The following NCKAP5 variants were observed in gnomAD, a reference collection of about 807,000 sequenced individuals.
The protein encoded by NCKAP5 is nck-associated protein 5.
Under a neutral mutation model 167.0 loss-of-function variants are expected in NCKAP5, and 92 were observed. The observed-to-expected ratio is 0.55, with a 90% CI of 0.47 to 0.66. NCKAP5 has a LOEUF of 0.66. Ranked by LOEUF, NCKAP5 falls within the 30% of genes least tolerant of loss-of-function variation. NCKAP5 has a pLI of 0.00. For missense variants in NCKAP5, 2,378 were observed against 2,315.0 expected (o/e 1.03, Z -0.56); for synonymous variants, 891 against 877.4 (o/e 1.02, Z -0.27).
chr2:132,758,526 G>C (rs1680741258), intron 16 of NCKAP5, among the ~76,000 whole-genome samples: 1 of 152,128 alleles, frequency 6.6e-6, no homozygotes, highest in Non-Finnish European at 1.5e-5. Flanking sequence ...ATCATCTGTG[G>C]GAGAACAGAG....
rs577080065 is a variant in NCKAP5 at position 132,749,423 on chromosome 2, C to T, written c.5129-17372G>A. Among the ~76,000 whole-genome samples the T allele has an allele frequency of 1.6e-4, 25 of 152,200 alleles. 1 individual carries two copies. The highest frequency in any genetic ancestry group is 5.8e-4 in the East Asian group (3 of 5,156). ...TTTGTCATATTGCCCAGGCTGGTCTCGAACTCCTGGGCTCAAGCCATCCAC... is the reference window on the plus strand; with the variant it reads ...TTTGTCATATTGCCCAGGCTGGTCTTGAACTCCTGGGCTCAAGCCATCCAC... On this transcript the variant is annotated intron_variant, in intron 16 of 19. Transcript: ENST00000409261.
chr2:133,118,391 A>G (rs1174405916), intron 6 of NCKAP5: 2 of 152,132 alleles, frequency 1.3e-5, no homozygotes, highest in African/African-American at 4.8e-5. Context: ...GAAATAATAT[A>G]AATTAGATTT....
At chr2:133,168,567 T>C (rs1299199285) in intron 5 of NCKAP5, among the ~76,000 whole-genome samples, 2 of 152,078 alleles carry the variant, frequency 1.3e-5, no homozygotes, top group African/African-American at 2.4e-5. Flanking sequence ...CTTGACTTTC[T>C]AGAGAGCCCA....
chr2:132,723,140 ATTTT>A (rs869234028), intron 19 of NCKAP5, among the ~76,000 whole-genome samples: 6 of 93,432 alleles, frequency 6.4e-5, no homozygotes, highest in Admixed American at 1.3e-4. Flanking sequence ...GCCAGGTGGT[ATTTT>A]TTTTTTTTTT....
chr2:132,925,645 C>T (rs1306429213), intron 8 of NCKAP5, among the ~76,000 whole-genome samples: 1 of 152,028 alleles, frequency 6.6e-6, no homozygotes, highest in Non-Finnish European at 1.5e-5. Context: ...TGCTCTCTCA[C>T]CCACTGGCCC....
intron 11 of NCKAP5, among the ~76,000 whole-genome samples, chr2:132,809,667 G>A (rs1248822946): frequency 6.6e-6 from 1 of 152,106 alleles, no homozygotes; most frequent in Non-Finnish European, 1.5e-5. Flanking sequence ...TGTGTTAGGT[G>A]AGTCTCCTGA....
intron 8 of NCKAP5, among the ~76,000 whole-genome samples, chr2:132,922,993 G>A (rs1695562700): frequency 6.6e-6 from 1 of 152,182 alleles, no homozygotes; most frequent in Non-Finnish European, 1.5e-5. Flanking sequence ...CAACACAACT[G>A]CATCTTCTTT....
At chr2:132,981,654 G>C (rs997898315) in intron 7 of NCKAP5, among the ~76,000 whole-genome samples, 2 of 152,150 alleles carry the variant, frequency 1.3e-5, no homozygotes, top group Non-Finnish European at 2.9e-5. Context: ...AGGATTACAA[G>C]CTCCTAAATC....
At position 132,868,840 on chromosome 2, in the gene NCKAP5, T is replaced by C. The variant is rs1399551153; in HGVS notation, c.687+96A>G. The C allele has an allele frequency of 7.3e-6, 6 of 826,878 alleles. No individual in the cohort carries two copies. In the East Asian group the frequency reaches 1.8e-4, roughly 24 times the overall value. The allele number at this position is 826,878 out of a possible 1,614,324, so 51.2% of individuals were successfully genotyped here. A position where few individuals can be genotyped will look rare whatever the true frequency, so the allele number is the denominator to read the frequency against. On this transcript the variant is annotated intron_variant, in intron 10 of 19. Coordinates refer to ENST00000409261, the MANE Select transcript of NCKAP5 (RefSeq NM_207363.3). ...CACTAAGTGAATAAATACAGAAGTA[T>C]TGCATCTATCAATCACAATTTCCTA...
At chr2:133,481,681 G>A (rs549437290) in intron 3 of NCKAP5, among the ~76,000 whole-genome samples, 6 of 152,038 alleles carry the variant, frequency 3.9e-5, no homozygotes, top group African/African-American at 9.7e-5. Context: ...GAGAACATGC[G>A]GTATCTGGTT....
chr2:133,370,542 T>C (rs1685735271), intron 3 of NCKAP5, among the ~76,000 whole-genome samples: 1 of 152,198 alleles, frequency 6.6e-6, no homozygotes, highest in African/African-American at 2.4e-5. Context: ...GATTCCATTA[T>C]GCTTAATGAG....
chr2:133,529,594 G>A (rs1417520025), intron 2 of NCKAP5, among the ~76,000 whole-genome samples: 1 of 152,088 alleles, frequency 6.6e-6, no homozygotes, highest in Non-Finnish European at 1.5e-5. Flanking sequence ...CTCAAAAGAT[G>A]GAATTATAGT....
At chr2:132,987,470 T>C (rs2077321824) in intron 7 of NCKAP5, among the ~76,000 whole-genome samples, 1 of 152,150 alleles carries the variant, frequency 6.6e-6, no homozygotes, top group Non-Finnish European at 1.5e-5. Context: ...CTTAATTACA[T>C]CTAAGAGTAT....
intron 5 of NCKAP5, among the ~76,000 whole-genome samples, chr2:133,176,604 T>C (rs946371983): frequency 1.3e-4 from 20 of 152,206 alleles, no homozygotes; most frequent in African/African-American, 4.8e-4. Flanking sequence ...CTCCCAATAT[T>C]CAAACACTTC....
intron 6 of NCKAP5, among the ~76,000 whole-genome samples, chr2:133,094,390 A>C (rs993778969): frequency 1.3e-5 from 2 of 152,154 alleles, no homozygotes; most frequent in Non-Finnish European, 2.9e-5. Flanking sequence ...GCAGTAACAA[A>C]ATTCCTTTGT....
intron 11 of NCKAP5, among the ~76,000 whole-genome samples, chr2:132,852,033 T>C (rs548587935): frequency 6.6e-6 from 1 of 152,338 alleles, no homozygotes; most frequent in East Asian, 1.9e-4. Context: ...TACTCTAATC[T>C]GCATAATCAA....
chr2:133,324,996 C>G (rs1346655991), intron 3 of NCKAP5, among the ~76,000 whole-genome samples: 1 of 152,194 alleles, frequency 6.6e-6, no homozygotes, highest in East Asian at 1.9e-4. Flanking sequence ...GCAAGAGCCA[C>G]CACGCCCAGC....
upstream of NCKAP5, among the ~76,000 whole-genome samples, chr2:133,569,582 G>C (rs1477040294): frequency 6.6e-6 from 1 of 152,132 alleles, no homozygotes; most frequent in Non-Finnish European, 1.5e-5. Context: ...GTGGGAGGTG[G>C]GGGGTGAGCA....
At chr2:132,795,820 G>GAAAAAAAAAAAAAAAAAAAAAAAAA (rs55826486) in intron 12 of NCKAP5, among the ~76,000 whole-genome samples, 1 of 85,062 alleles carries the variant, frequency 1.2e-5, no homozygotes, top group Non-Finnish European at 2.6e-5. Context: ...CCCCGTATCA[G>GAAAAAAAAAAAAAAAAAAAAAAAAA]AAAAAAAAAA....
Sources: gnomAD v4.1 joint callset for allele counts (sites outside exome capture counted in the v4.1 genomes callset) on GRCh38, gnomAD v4.1.1 for gene constraint, MANE v1.5 for transcripts, NCBI Gene and HGNC (gene_info 2026-07-23, HGNC 2026-07-21) for gene names.